PALLD: variants seen among roughly 807,000 people sequenced by gnomAD.
PALLD encodes the protein palladin, cytoskeletal associated protein.
A neutral mutation model predicts 123.5 loss-of-function variants in PALLD; 61 were observed. The ratio of observed to expected loss-of-function variants is 0.49; its 90% confidence interval spans 0.40 to 0.61. PALLD has a LOEUF of 0.61. Ranked by LOEUF, PALLD falls within the 20% of genes least tolerant of loss-of-function variation. The pLI, the probability that PALLD is intolerant of heterozygous loss-of-function variation, is 0.00. For synonymous variants in PALLD, 465 were observed against 496.4 expected (o/e 0.94, Z 0.84); for missense variants, 1,273 against 1,377.0 (o/e 0.92, Z 1.20).
At chr4:168,790,223 G>A (rs923279955) in intron 10 of PALLD, among the ~76,000 whole-genome samples, 7 of 149,726 alleles carry the variant, frequency 4.7e-5, no homozygotes, top group Admixed American at 2.7e-4. Flanking sequence ...ATGCAATGGC[G>A]TAATCTCAGC....
At chr4:168,655,653 T>C (rs6819809) in intron 2 of PALLD, among the ~76,000 whole-genome samples, 5,575 of 152,318 alleles carry the variant, frequency 0.037, 298 homozygotes, top group African/African-American at 0.11. Context: ...TTTCCAAAAG[T>C]AAGGCATTTT....
chr4:168,694,744 G>C (rs577291204), intron 8 of PALLD, among the ~76,000 whole-genome samples: 212 of 152,342 alleles, frequency 1.4e-3, no homozygotes, highest in African/African-American at 4.8e-3. Flanking sequence ...CGTCGTATCT[G>C]TCTGATGTGT....
intron 10 of PALLD, among the ~76,000 whole-genome samples, chr4:168,758,713 C>T (rs1010144134): frequency 6.6e-6 from 1 of 151,936 alleles, no homozygotes. Flanking sequence ...AAACTTGTAA[C>T]CACGAACAGT....
intron 2 of PALLD, among the ~76,000 whole-genome samples, chr4:168,600,003 G>A (rs6828746): frequency 0.38 from 52,417 of 139,394 alleles, 10,010 homozygotes; most frequent in African/African-American, 0.53. Context: ...ATACACACAC[G>A]TATATACATA....
At chr4:168,702,768 CA>C (rs1783798580) in intron 8 of PALLD, among the ~76,000 whole-genome samples, 1 of 152,048 alleles carries the variant, frequency 6.6e-6, no homozygotes, top group South Asian at 2.1e-4. Context: ...ACTTTTAACT[CA>C]TTCTGTAACC....
chr4:168,876,198 A>C (rs973025094), intron 10 of PALLD, among the ~76,000 whole-genome samples: 1 of 152,238 alleles, frequency 6.6e-6, no homozygotes, highest in Non-Finnish European at 1.5e-5. Context: ...GAGATGAAGC[A>C]TTTGGGGACT....
chr4:168,850,523 C>CTTTTTTTTTTTTTTTTTTTTT (rs767777801), intron 10 of PALLD, among the ~76,000 whole-genome samples: 1 of 34,692 alleles, frequency 2.9e-5, no homozygotes, highest in Non-Finnish European at 4.7e-5. Context: ...TCTGTCATTT[C>CTTTTTTTTTTTTTTTTTTTTT]TTTTTTTTTT....
chr4:168,693,700 A>G (rs891340847), intron 8 of PALLD, among the ~76,000 whole-genome samples: 1 of 152,208 alleles, frequency 6.6e-6, no homozygotes, highest in Non-Finnish European at 1.5e-5. Context: ...TTATATAGTC[A>G]GGAGCTATTA....
chr4:168,886,877 G>A (rs1045835203), intron 10 of PALLD, among the ~76,000 whole-genome samples: 2 of 151,960 alleles, frequency 1.3e-5, no homozygotes, highest in South Asian at 2.1e-4. Flanking sequence ...CCAGCACTTT[G>A]GGAGGCCGAG....
At chr4:168,805,516 G>C (rs1740058250) in intron 10 of PALLD, among the ~76,000 whole-genome samples, 1 of 152,108 alleles carries the variant, frequency 6.6e-6, no homozygotes. Context: ...ATTTCCTCTG[G>C]GGTTAAGTTC....
At chr4:168,633,667 G>A (rs960158213) in intron 2 of PALLD, among the ~76,000 whole-genome samples, 10 of 151,938 alleles carry the variant, frequency 6.6e-5, no homozygotes, top group Non-Finnish European at 1.5e-4. Context: ...TGCTCTCTAG[G>A]GCTAAAATTA....
chr4:168,583,883 A>T (rs1180388443), intron 2 of PALLD, among the ~76,000 whole-genome samples: 1 of 152,036 alleles, frequency 6.6e-6, no homozygotes, highest in African/African-American at 2.4e-5. Flanking sequence ...TTCCAATCCA[A>T]ACTGAGGTGG....
chr4:168,588,734 T>C (rs1431828668), intron 2 of PALLD, among the ~76,000 whole-genome samples: 1 of 152,124 alleles, frequency 6.6e-6, no homozygotes, highest in African/African-American at 2.4e-5. Context: ...TTAAGCATAC[T>C]CTGGTTATCA....
chr4:168,642,201 T>A (rs562382281), intron 2 of PALLD, among the ~76,000 whole-genome samples: 1 of 152,248 alleles, frequency 6.6e-6, no homozygotes, highest in Admixed American at 6.5e-5. Flanking sequence ...CTGGATTCTC[T>A]TATGTGTGTT....
intron 10 of PALLD, among the ~76,000 whole-genome samples, chr4:168,782,508 G>T (rs1420034653): frequency 6.6e-6 from 1 of 152,068 alleles, no homozygotes; most frequent in East Asian, 1.9e-4. Context: ...AATATTTTAG[G>T]CTTAGAAGGC....
chr4:168,717,331 C>T (rs920565489), intron 10 of PALLD, among the ~76,000 whole-genome samples: 7 of 151,906 alleles, frequency 4.6e-5, no homozygotes, highest in Non-Finnish European at 8.8e-5. Context: ...ATCTGCCTAA[C>T]GTTCTTTTTT....
chr4:168,754,001 A>G (rs1475671647), intron 10 of PALLD, among the ~76,000 whole-genome samples: 5 of 152,252 alleles, frequency 3.3e-5, no homozygotes, highest in Admixed American at 1.3e-4. Context: ...TAGGTATGCA[A>G]TAGTATACAA....
At chr4:168,912,277 T>C (rs906144814) in intron 15 of PALLD, among the ~76,000 whole-genome samples, 1 of 152,236 alleles carries the variant, frequency 6.6e-6, no homozygotes, top group African/African-American at 2.4e-5. Flanking sequence ...GCATGAGGGC[T>C]TCTCATCAAC....
intron 2 of PALLD, among the ~76,000 whole-genome samples, chr4:168,532,554 T>C (rs548008755): frequency 7.9e-5 from 12 of 152,100 alleles, no homozygotes; most frequent in Admixed American, 5.9e-4. Flanking sequence ...AAAAATAATA[T>C]TATATTGCTT....
Sources: gnomAD v4.1 joint callset for allele counts (sites outside exome capture counted in the v4.1 genomes callset) on GRCh38, gnomAD v4.1.1 for gene constraint, MANE v1.5 for transcripts, NCBI Gene and HGNC (gene_info 2026-07-23, HGNC 2026-07-21) for gene names.